DAAM1: variants seen among roughly 807,000 people sequenced by gnomAD.
DAAM1 encodes the protein dishevelled associated activator of morphogenesis 1, also known as disheveled-associated activator of morphogenesis 1.
DAAM1 carries 52 observed loss-of-function variants against 130.0 expected under a neutral mutation model. The observed-to-expected ratio is 0.40, with a 90% CI of 0.32 to 0.50. DAAM1 has a LOEUF of 0.50. Among genes scored for constraint, DAAM1 ranks in the 20% least tolerant of loss-of-function variants. DAAM1 has a pLI of 0.61. For missense variants in DAAM1, 1,134 were observed against 1,303.8 expected, an observed-to-expected ratio of 0.87 and a Z score of 2.01; for synonymous variants, 452 against 444.5, an observed-to-expected ratio of 1.02 and a Z score of -0.21.
chr14:59,273,367 G>C (rs1882813354), intron 2 of DAAM1, among the ~76,000 whole-genome samples: 1 of 152,040 alleles, frequency 6.6e-6, no homozygotes, highest in African/African-American at 2.4e-5. Flanking sequence ...CTTAATATTA[G>C]ATCAAGGAGA....
Position 59,324,471 on chromosome 14 carries a change from T to G in DAAM1, c.989+17T>G. 6.6e-7 allele frequency: 1 copy of G among 1,506,216 alleles called. No homozygotes were observed. The highest frequency in any genetic ancestry group is 9.0e-7 in the Non-Finnish European group (1 of 1,116,898). 93.3% of individuals were successfully genotyped at this position (1,506,216 alleles called of 1,614,324 possible). Reference sequence around the variant, plus strand: ...ATTAGATAGGTAAGTCAGACTATTATGATGTGAGAAAGTTTCTGTGTTTCC... The same window carrying G: ...ATTAGATAGGTAAGTCAGACTATTAGGATGTGAGAAAGTTTCTGTGTTTCC... On this transcript the variant is annotated intron_variant, in intron 8 of 24. Coordinates refer to ENST00000360909, the MANE Select transcript of DAAM1 (RefSeq NM_001270520.2).
At chr14:59,301,633 G>A (rs899625024) in intron 3 of DAAM1, among the ~76,000 whole-genome samples, 1 of 152,170 alleles carries the variant, frequency 6.6e-6, no homozygotes, top group African/African-American at 2.4e-5. Context: ...ATCTGCACAA[G>A]CGAGCAGATG....
In DAAM1 at chr14:59,370,580, GT is replaced by G. The variant is rs1400867625; in HGVS notation, c.*1725del. On this transcript the variant is annotated 3_prime_UTR_variant, in exon 25 of 25. Coordinates refer to ENST00000360909, the MANE Select transcript of DAAM1 (RefSeq NM_001270520.2). ...GCTCTAAGAGTTGTCAAGAGCTGTGGTTTTACATCTTTTCCTCATTGCAAAT... is the reference window on the plus strand; with the variant it reads ...GCTCTAAGAGTTGTCAAGAGCTGTGGTTTACATCTTTTCCTCATTGCAAAT... 2.6e-5 allele frequency: 4 copies of G among 152,096 alleles called. No individual in the cohort carries two copies. Among genetic ancestry groups the G allele is most frequent in the Non-Finnish European group, 5.9e-5 (4 of 67,986 alleles). 9.4% of individuals were successfully genotyped at this position (152,096 alleles called of 1,614,324 possible).
rs765162663 is a variant in DAAM1, at chr14:59,363,745, C to CTGATGTTGA, written c.2790_2798dup (p.Val932_Glu933insAspAspVal). The CTGATGTTGA allele has an allele frequency of 1.2e-6, 2 of 1,614,002 alleles. No individual in the cohort carries two copies. The highest frequency in any genetic ancestry group is 1.3e-5 in the African/African-American group (1 of 74,940). Reference sequence around the variant, plus strand: ...ATCACAGTAGCCAGCTTCAGCTTCTCTGATGTTGAAGACCTTCTAGCAGAA... The same window carrying CTGATGTTGA: ...ATCACAGTAGCCAGCTTCAGCTTCTCTGATGTTGATGATGTTGAAGACCTTCTAGCAGAA... On this transcript the variant is annotated inframe_insertion, in exon 23 of 25. Coordinates refer to ENST00000360909, the MANE Select transcript of DAAM1 (RefSeq NM_001270520.2).
chr14:59,255,449 C>T (rs1881835831), intron 1 of DAAM1, among the ~76,000 whole-genome samples: 1 of 152,018 alleles, frequency 6.6e-6, no homozygotes. Flanking sequence ...TGAAACCAGA[C>T]ATGAGGAATG....
chr14:59,312,595 T>C (rs1884639006), intron 3 of DAAM1, among the ~76,000 whole-genome samples: 1 of 152,196 alleles, frequency 6.6e-6, no homozygotes, highest in South Asian at 2.1e-4. Flanking sequence ...CAATGTAAAA[T>C]GTATTCTCAA....
chr14:59,367,328 T>G, intron 23 of DAAM1, 101 bp from the exon 24 acceptor site: 1 of 1,475,746 alleles, frequency 6.8e-7, no homozygotes, highest in Non-Finnish European at 9.0e-7. Flanking sequence ...AAACAAAACT[T>G]ACGTTTGACT....
chr14:59,239,280 T>C (rs1259382134), intron 1 of DAAM1, among the ~76,000 whole-genome samples: 1 of 152,218 alleles, frequency 6.6e-6, no homozygotes, highest in Non-Finnish European at 1.5e-5. Context: ...ATCCAACCTA[T>C]AATTAGGACA....
chr14:59,289,784 A>ATATATATATATATACACATATAT, intron 2 of DAAM1, among the ~76,000 whole-genome samples: 1 of 128,708 alleles, frequency 7.8e-6, no homozygotes, highest in African/African-American at 2.9e-5. Flanking sequence ...ATATATATAT[A>ATATATATATATATACACATATAT]ATGGAATGCT....
At chr14:59,240,832 G>A (rs1048415041) in intron 1 of DAAM1, among the ~76,000 whole-genome samples, 2 of 152,248 alleles carry the variant, frequency 1.3e-5, no homozygotes, top group African/African-American at 2.4e-5. Context: ...CCAATGCCAT[G>A]TGTCCATCTC....
At chr14:59,258,848 G>C (rs2139496944) in intron 1 of DAAM1, among the ~76,000 whole-genome samples, 1 of 152,270 alleles carries the variant, frequency 6.6e-6, no homozygotes, top group Non-Finnish European at 1.5e-5. Flanking sequence ...GTTTCACTGA[G>C]GCTTCCACAT....
At chr14:59,323,330 G>T in intron 6 of DAAM1, 105 bp downstream of exon 6, 1 of 1,216,034 alleles carries the variant, frequency 8.2e-7, no homozygotes, top group African/African-American at 1.5e-5. Context: ...ATGTCCTCTT[G>T]TGGTGATTAC....
At chr14:59,335,882 TTTTA>T (rs1885608018) in intron 15 of DAAM1, among the ~76,000 whole-genome samples, 1 of 152,190 alleles carries the variant, frequency 6.6e-6, no homozygotes, top group Non-Finnish European at 1.5e-5. Context: ...AATTTTCCTT[TTTTA>T]TTCTCTTTAC....
intron 1 of DAAM1, among the ~76,000 whole-genome samples, chr14:59,190,070 A>C (rs551510570): frequency 6.6e-6 from 1 of 152,102 alleles, no homozygotes; most frequent in African/African-American, 2.4e-5. Context: ...AGCCGCTGCC[A>C]CTGCTGTTTC....
At chr14:59,300,606 C>A (rs1884133083) in intron 3 of DAAM1, among the ~76,000 whole-genome samples, 1 of 152,020 alleles carries the variant, frequency 6.6e-6, no homozygotes, top group Non-Finnish European at 1.5e-5. Context: ...ATAATAAATA[C>A]CCATATTTAA....
intron 15 of DAAM1, among the ~76,000 whole-genome samples, chr14:59,333,032 A>G (rs968640040): frequency 5.3e-5 from 8 of 152,138 alleles, no homozygotes; most frequent in Admixed American, 1.3e-4. Flanking sequence ...CTGAGCACCA[A>G]AAGAGTAGAT....
At chr14:59,306,017 G>A (rs1566694392) in intron 3 of DAAM1, among the ~76,000 whole-genome samples, 1 of 152,052 alleles carries the variant, frequency 6.6e-6, no homozygotes, top group East Asian at 1.9e-4. Flanking sequence ...TTTGAAGTTA[G>A]AGATCCATTG....
chr14:59,188,838 G>C (rs1887634253), intron 1 of DAAM1, 70 bp downstream of exon 1: 1 of 153,218 alleles, frequency 6.5e-6, no homozygotes, highest in Non-Finnish European at 1.5e-5. Context: ...GTGCGGGGGT[G>C]GGCGTGCTTC....
chr14:59,330,095 G>C (rs560628202), intron 12 of DAAM1, among the ~76,000 whole-genome samples: 49 of 152,290 alleles, frequency 3.2e-4, no homozygotes, highest in African/African-American at 1.0e-3. Flanking sequence ...ACTACTCTTT[G>C]TCTCACTTCT....
Sources: allele counts gnomAD v4.1 joint callset (sites outside exome capture counted in the v4.1 genomes callset), GRCh38; gene constraint gnomAD v4.1.1; transcripts MANE v1.5; gene names NCBI Gene and HGNC (gene_info 2026-07-23, HGNC 2026-07-21).